Variants in TSHZ2 observed in about 807,000 individuals in gnomAD.
TSHZ2 encodes the protein teashirt zinc finger homeobox 2.
In TSHZ2, 21 loss-of-function variants were observed where a neutral mutation model predicts 74.4. That is an observed-to-expected ratio of 0.28 (90% confidence interval 0.20 to 0.41). The LOEUF is 0.41. TSHZ2 is among the 10% of genes least tolerant of loss of function. The pLI, the probability that TSHZ2 is intolerant of heterozygous loss-of-function variation, is 1.00. For synonymous variants in TSHZ2, 540 were observed against 515.3 expected (o/e 1.05, Z -0.65); for missense variants, 1,244 against 1,293.5 (o/e 0.96, Z 0.59).
At chr20:53,321,683 CAAAAAAA>C (rs59907513) in intron 2 of TSHZ2, among the ~76,000 whole-genome samples, 1 of 58,306 alleles carries the variant, frequency 1.7e-5, no homozygotes, top group Admixed American at 2.3e-4. Context: ...GACTCCATCT[CAAAAAAA>C]AAAAAAAAAA....
At chr20:53,184,445 T>C (rs191050370) in intron 1 of TSHZ2, among the ~76,000 whole-genome samples, 177 of 152,294 alleles carry the variant, frequency 1.2e-3, no homozygotes, top group Non-Finnish European at 2.8e-4. Flanking sequence ...TACTCCTTTT[T>C]AAAAATAATC....
chr20:53,226,741 T>C (rs1332175315), intron 1 of TSHZ2, among the ~76,000 whole-genome samples: 1 of 152,120 alleles, frequency 6.6e-6, no homozygotes, highest in East Asian at 1.9e-4. Context: ...GTTATCAGTG[T>C]TTAGTGGCCT....
rs202010008 is a variant in TSHZ2 at position 53,163,431 on chromosome 20, CTTTTA to C, written c.41-90043_41-90039del. ...GGTGCCACAGTAGCTCAAGAAGAGC[CTTTTA>C]TTTTATTTTATTTTATTTTATTTTT... On this transcript the variant is annotated intron_variant, in intron 1 of 2. Coordinates refer to ENST00000371497, the MANE Select transcript of TSHZ2 (RefSeq NM_173485.6). Among the ~76,000 whole-genome samples the C allele has an allele frequency of 4.8e-3, 628 of 129,866 alleles. 3 individuals are homozygous for C. Among genetic ancestry groups the C allele is most frequent in the African/African-American group, 0.014 (449 of 32,276 alleles). The allele number at this position is 129,866 out of a possible 152,430, so 85.2% of individuals were successfully genotyped here.
intron 2 of TSHZ2, among the ~76,000 whole-genome samples, chr20:53,475,253 T>C (rs1351039580): frequency 1.6e-5 from 2 of 126,546 alleles, no homozygotes; most frequent in African/African-American, 6.4e-5. Context: ...ACCACATACT[T>C]GGAAGTAAAG....
chr20:52,985,529 T>C (rs976668569), intron 1 of TSHZ2, among the ~76,000 whole-genome samples: 7 of 152,176 alleles, frequency 4.6e-5, no homozygotes, highest in Non-Finnish European at 1.0e-4. Flanking sequence ...AGTCAAGCAT[T>C]AATACCAGTG....
At chr20:53,459,143 T>C (rs1985242628) in intron 2 of TSHZ2, among the ~76,000 whole-genome samples, 1 of 152,192 alleles carries the variant, frequency 6.6e-6, no homozygotes, top group Admixed American at 6.5e-5. Flanking sequence ...ATCTGTCTAA[T>C]GTTGACAGTG....
At chr20:52,975,404 C>T (rs1981293717) in intron 1 of TSHZ2, among the ~76,000 whole-genome samples, 1 of 152,036 alleles carries the variant, frequency 6.6e-6, no homozygotes, top group African/African-American at 2.4e-5. Flanking sequence ...ATCCTACGAT[C>T]GATAAGGATC....
At chr20:53,059,459 C>T (rs773878648) in intron 1 of TSHZ2, among the ~76,000 whole-genome samples, 1 of 152,130 alleles carries the variant, frequency 6.6e-6, no homozygotes, top group Non-Finnish European at 1.5e-5. Context: ...TAAATACCCC[C>T]GTCCCTCCCC....
chr20:53,238,350 C>A (rs574236794), intron 1 of TSHZ2, among the ~76,000 whole-genome samples: 4 of 152,054 alleles, frequency 2.6e-5, no homozygotes, highest in Admixed American at 6.6e-5. Flanking sequence ...AGGGGAGGAA[C>A]TAGTATGTCT....
At chr20:53,265,904 C>T (rs1336154602) in intron 2 of TSHZ2, among the ~76,000 whole-genome samples, 1 of 152,192 alleles carries the variant, frequency 6.6e-6, no homozygotes, top group Admixed American at 6.5e-5. Context: ...CCTTTCTTCC[C>T]TCCCTTCCTT....
chr20:53,276,312 G>C (rs1186009693), intron 2 of TSHZ2, among the ~76,000 whole-genome samples: 1 of 151,952 alleles, frequency 6.6e-6, no homozygotes, highest in Non-Finnish European at 1.5e-5. Flanking sequence ...TTGTCCTAAG[G>C]CTTACTAGGA....
chr20:53,203,686 AC>A lies in TSHZ2; in HGVS notation c.41-49812del, dbSNP rs1025227941. ...AGGTGGAGTGTGGTCTCATCGCCAG[AC>A]ATAGGCTTTACCAAGAGAAACCAGG... is the stretch of plus-strand genomic sequence containing the variant. On this transcript the variant is annotated intron_variant, in intron 1 of 2. Transcript: ENST00000371497. Among the ~76,000 whole-genome samples the A allele has an allele frequency of 4.6e-5, 7 of 152,318 alleles. No individual in the cohort carries two copies. In the East Asian group the frequency reaches 1.2e-3, roughly 25 times the overall value.
intron 2 of TSHZ2, among the ~76,000 whole-genome samples, chr20:53,272,242 C>A (rs1305027588): frequency 1.3e-5 from 2 of 152,080 alleles, no homozygotes; most frequent in East Asian, 3.9e-4. Flanking sequence ...GAACTCTTAA[C>A]TTCATGGTCT....
intron 1 of TSHZ2, among the ~76,000 whole-genome samples, chr20:53,005,453 A>C (rs1982609368): frequency 6.6e-6 from 1 of 152,180 alleles, no homozygotes; most frequent in African/African-American, 2.4e-5. Context: ...ATGGTGGCCT[A>C]GAGGAATGGG....
chr20:53,008,224 AGAG>A (rs1182104310), intron 1 of TSHZ2, among the ~76,000 whole-genome samples: 2 of 152,222 alleles, frequency 1.3e-5, no homozygotes, highest in African/African-American at 4.8e-5. Context: ...CTGGATGGAA[AGAG>A]GAGAGAAGTA....
At chr20:53,117,041 AAG>A (rs374561738) in intron 1 of TSHZ2, among the ~76,000 whole-genome samples, 3 of 151,928 alleles carry the variant, frequency 2.0e-5, no homozygotes, top group Non-Finnish European at 2.9e-5. Flanking sequence ...AAGGGAGAGA[AAG>A]AGAGAGAGAG....
chr20:53,219,231 A>G (rs1600748521), intron 1 of TSHZ2, among the ~76,000 whole-genome samples: 1 of 152,204 alleles, frequency 6.6e-6, no homozygotes, highest in East Asian at 1.9e-4. Flanking sequence ...TGATGTCCTC[A>G]TCCATCCATT....
At chr20:53,013,760 AC>A (rs34346315) in intron 1 of TSHZ2, among the ~76,000 whole-genome samples, 44,014 of 152,150 alleles carry the variant, frequency 0.29, 7,731 homozygotes, top group Non-Finnish European at 0.41. Context: ...TAGGCTGATT[AC>A]ATTTATTTAA....
At chr20:53,265,285 G>A (rs905103232) in intron 2 of TSHZ2, among the ~76,000 whole-genome samples, 3 of 152,172 alleles carry the variant, frequency 2.0e-5, no homozygotes, top group African/African-American at 7.2e-5. Context: ...GGCACACTTA[G>A]GGGCTTGGAA....
Sources: gnomAD v4.1 joint callset for allele counts (sites outside exome capture counted in the v4.1 genomes callset) on GRCh38, gnomAD v4.1.1 for gene constraint, MANE v1.5 for transcripts, NCBI Gene and HGNC (gene_info 2026-07-23, HGNC 2026-07-21) for gene names.